Variants in ANGPT1 observed in about 807,000 individuals in gnomAD.
The protein encoded by ANGPT1 is angiopoietin 1, also known as angiopoietin-1.
ANGPT1 carries 17 observed loss-of-function variants against 62.2 expected under a neutral mutation model. That is an observed-to-expected ratio of 0.27 (90% CI 0.19 to 0.41). ANGPT1 has a LOEUF of 0.41. Ranked by LOEUF, ANGPT1 falls within the 10% of genes least tolerant of loss-of-function variation. ANGPT1 has a pLI of 1.00. For synonymous variants in ANGPT1, 199 were observed against 198.9 expected, an observed-to-expected ratio of 1.00 and a Z score of 0.00; for missense variants, 478 against 594.9, an observed-to-expected ratio of 0.80 and a Z score of 2.04.
chr8:107,428,722 G>T (rs1225207911), intron 1 of ANGPT1, among the ~76,000 whole-genome samples: 1 of 151,970 alleles, frequency 6.6e-6, no homozygotes, highest in Non-Finnish European at 1.5e-5. Flanking sequence ...TTTAAGCAAG[G>T]ACACGTTGAT....
intron 7 of ANGPT1, among the ~76,000 whole-genome samples, chr8:107,269,865 A>G (rs1348426453): frequency 6.6e-6 from 1 of 152,104 alleles, no homozygotes; most frequent in Non-Finnish European, 1.5e-5. Flanking sequence ...AAAGAATGTC[A>G]GCATTTTTAT....
intron 1 of ANGPT1, among the ~76,000 whole-genome samples, chr8:107,419,359 G>A (rs1810838522): frequency 1.3e-5 from 2 of 152,176 alleles, no homozygotes; most frequent in South Asian, 2.1e-4. Context: ...GTACCCAGAG[G>A]GAAGGAAAGG....
chr8:107,482,406 G>A (rs1812710187), intron 1 of ANGPT1, among the ~76,000 whole-genome samples: 1 of 152,148 alleles, frequency 6.6e-6, no homozygotes, highest in African/African-American at 2.4e-5. Flanking sequence ...CCTGAGTTGA[G>A]GTGACTCAAA....
chr8:107,391,986 T>C (rs1243856417), intron 1 of ANGPT1, among the ~76,000 whole-genome samples: 1 of 152,206 alleles, frequency 6.6e-6, no homozygotes, highest in African/African-American at 2.4e-5. Context: ...TCCTCACTGA[T>C]GGAAATGTTG....
At chr8:107,329,726 G>C (rs1815376323) in intron 3 of ANGPT1, among the ~76,000 whole-genome samples, 1 of 151,702 alleles carries the variant, frequency 6.6e-6, no homozygotes. Context: ...TTGGGTTAGA[G>C]CTATTGGGAC....
At chr8:107,381,499 C>G (rs892367463) in intron 1 of ANGPT1, among the ~76,000 whole-genome samples, 1 of 152,116 alleles carries the variant, frequency 6.6e-6, no homozygotes, top group African/African-American at 2.4e-5. Context: ...TAGGTGCCCT[C>G]GTGGAGGCAC....
At chr8:107,310,318 C>T (rs1015871922) in intron 4 of ANGPT1, among the ~76,000 whole-genome samples, 1 of 152,120 alleles carries the variant, frequency 6.6e-6, no homozygotes, top group Non-Finnish European at 1.5e-5. Context: ...AGAAATGCTA[C>T]TAACTTCACC....
chr8:107,311,980 A>C (rs957059916), intron 4 of ANGPT1, among the ~76,000 whole-genome samples: 1 of 149,934 alleles, frequency 6.7e-6, no homozygotes, highest in Admixed American at 6.7e-5. Flanking sequence ...AGGAGAATGG[A>C]GTGAACCTGG....
intron 1 of ANGPT1, among the ~76,000 whole-genome samples, chr8:107,419,391 A>G (rs1810839090): frequency 1.3e-5 from 2 of 152,172 alleles, no homozygotes; most frequent in Admixed American, 6.6e-5. Flanking sequence ...CCTCAAAGCT[A>G]TAAATGCCAG....
chr8:107,420,812 TG>T (rs1197308449), intron 1 of ANGPT1, among the ~76,000 whole-genome samples: 1 of 152,190 alleles, frequency 6.6e-6, no homozygotes, highest in African/African-American at 2.4e-5. Context: ...TGTATCATCC[TG>T]TTTTTTTAGC....
intron 2 of ANGPT1, among the ~76,000 whole-genome samples, chr8:107,342,895 G>C (rs568478494): frequency 1.3e-5 from 2 of 151,700 alleles, no homozygotes; most frequent in African/African-American, 4.8e-5. Flanking sequence ...GAGTGCAGTG[G>C]TGTGATCACA....
intron 4 of ANGPT1, among the ~76,000 whole-genome samples, chr8:107,307,549 T>C (rs985171057): frequency 6.6e-6 from 1 of 152,072 alleles, no homozygotes; most frequent in Admixed American, 6.6e-5. Flanking sequence ...CTCTACCCTA[T>C]AGAAGTTGTC....
chr8:107,423,827 C>CTTTTTTTTTTTTTTTTT (rs869079818), intron 1 of ANGPT1, among the ~76,000 whole-genome samples: 2 of 74,436 alleles, frequency 2.7e-5, no homozygotes, highest in Non-Finnish European at 4.7e-5. Flanking sequence ...CTTTTCCTTT[C>CTTTTTTTTTTTTTTTTT]TTTTTTTTTT....
At chr8:107,338,589 ATCATAT>A (rs1411214059) in intron 2 of ANGPT1, among the ~76,000 whole-genome samples, 1 of 152,218 alleles carries the variant, frequency 6.6e-6, no homozygotes, top group Non-Finnish European at 1.5e-5. Flanking sequence ...ACTACTACTA[ATCATAT>A]TCATGTTTGT....
intron 1 of ANGPT1, among the ~76,000 whole-genome samples, chr8:107,379,936 T>A (rs1475590154): frequency 2.0e-5 from 3 of 151,980 alleles, no homozygotes; most frequent in East Asian, 3.9e-4. Context: ...GATGTTGGGG[T>A]CTTGAGATAT....
Position 107,370,195 on chromosome 8 carries a change from A to AAAGAAAGAAAG in ANGPT1, c.298-23099_298-23098insCTTTCTTTCTT, listed in dbSNP as rs1554586919. Among the ~76,000 whole-genome samples the AAAGAAAGAAAG allele has an allele frequency of 1.3e-3, 119 of 93,326 alleles. 2 individuals are homozygous for AAAGAAAGAAAG. Among genetic ancestry groups the AAAGAAAGAAAG allele is most frequent in the African/African-American group, 3.5e-3 (77 of 22,278 alleles). The allele number at this position is 93,326 out of a possible 152,430, so 61.2% of individuals were successfully genotyped here. On this transcript the variant is annotated intron_variant, in intron 1 of 8. Transcript: ENST00000517746. ...GAGAAAGAAGAAAGAAAGAAAGAAA[A>AAAGAAAGAAAG]AAAGAAAGAAAGAAAGAAAGAAAGG...
chr8:107,293,876 T>C (rs1247436167), intron 6 of ANGPT1, 60 bp downstream of exon 6: 1 of 1,325,316 alleles, frequency 7.5e-7, no homozygotes, highest in African/African-American at 1.5e-5. Flanking sequence ...CATCATATAG[T>C]ATGGAGAAGA....
chr8:107,420,564 A>G (rs1810871445), intron 1 of ANGPT1, among the ~76,000 whole-genome samples: 1 of 152,268 alleles, frequency 6.6e-6, no homozygotes, highest in African/African-American at 2.4e-5. Flanking sequence ...AAAGTTGTAC[A>G]TCTTCCCAAT....
intron 4 of ANGPT1, among the ~76,000 whole-genome samples, chr8:107,317,787 T>C (rs1050497992): frequency 6.6e-6 from 1 of 152,006 alleles, no homozygotes; most frequent in African/African-American, 2.4e-5. Context: ...TGTGCCACCA[T>C]GCCCAGCTAA....
Sources: allele counts gnomAD v4.1 joint callset (sites outside exome capture counted in the v4.1 genomes callset), GRCh38; gene constraint gnomAD v4.1.1; transcripts MANE v1.5; gene names NCBI Gene and HGNC (gene_info 2026-07-23, HGNC 2026-07-21).